The following SLC26A8 variants were observed in gnomAD, a reference collection of about 807,000 sequenced individuals.
SLC26A8 encodes testis anion transporter 1.
SLC26A8 carries 70 observed loss-of-function variants against 105.0 expected under a neutral mutation model. The ratio of observed to expected loss-of-function variants is 0.67; its 90% CI spans 0.55 to 0.81. SLC26A8 has a LOEUF of 0.81. Ranked by LOEUF, SLC26A8 falls within the 40% of genes least tolerant of loss-of-function variation. The pLI is 0.00. For synonymous variants in SLC26A8, 415 were observed against 438.3 expected, an observed-to-expected ratio of 0.95 and a Z score of 0.66; for missense variants, 998 against 1,181.8, an observed-to-expected ratio of 0.84 and a Z score of 2.28.
intron 5 of SLC26A8, among the ~76,000 whole-genome samples, chr6:35,993,220 G>T (rs977624954): frequency 1.4e-5 from 2 of 146,158 alleles, no homozygotes; most frequent in African/African-American, 5.2e-5. Context: ...ACCTAGGCTG[G>T]TCTCGAACTC....
At chr6:35,997,680 T>C in intron 5 of SLC26A8, 58 bp downstream of exon 5, 2 of 1,514,960 alleles carry the variant, frequency 1.3e-6, no homozygotes, top group Non-Finnish European at 1.8e-6. Context: ...AAGGAAGGGG[T>C]CTGTTTATAG....
rs566803558 is a variant in SLC26A8, at chr6:35,958,781, G to A, written c.1863+679C>T. 5.9e-5 allele frequency among the ~76,000 whole-genome samples: 9 copies of A among 152,280 alleles called. No homozygotes were observed. In the East Asian group the frequency reaches 1.7e-3, roughly 29 times the overall value. The stretch of plus-strand genomic sequence containing the variant: ...GTATAGAGAGAGCTGCCCCTCCAGA[G>A]TGAGTGCTGTAGACTAGGTGATTGC... On this transcript the variant is annotated intron_variant, in intron 16 of 19. Transcript: ENST00000490799.
Position 35,955,471 on chromosome 6 carries a change from G to T in SLC26A8, c.1913C>A (p.Ser638Tyr). The change falls in exon 17 of 20, where the codon TCC becomes TAC. Residue 638 changes from serine to tyrosine, a missense_variant. By Grantham distance (144) the Ser-to-Tyr change is moderately radical. Coordinates refer to ENST00000490799, the MANE Select transcript of SLC26A8 (RefSeq NM_052961.4). ...ATGTGAGCAGTGAATCAGGTTAATG[G>T]AGGATGCTTCGGGATCCAGTTTATT... ...FENKLDPEAS[S>Y]INLIHCSHFE... 6.2e-7 allele frequency: 1 copy of T among 1,614,188 alleles called. No homozygotes were observed. Among genetic ancestry groups the T allele is most frequent in the South Asian group, 1.1e-5 (1 of 91,084 alleles).
Position 35,997,861 on chromosome 6 carries a change from G to T in SLC26A8, c.504C>A (p.Asn168Lys). ...AAGATCCCATGACCAGTTGACCGTT[G>T]TTGAATGGGCTCACTTTCAGAACGT... ...LINVLKVSPF[N>K]NGQLVMGSFV... The change falls in exon 5 of 20, where the codon AAC becomes AAA. Residue 168 changes from asparagine to lysine, a missense_variant. By Grantham distance (94) the Asn-to-Lys change is moderately conservative (BLOSUM62 0). Transcript: ENST00000490799. 6.2e-7 allele frequency: 1 copy of T among 1,614,186 alleles called. No individual in the cohort carries two copies. Among genetic ancestry groups the T allele is most frequent in the South Asian group, 1.1e-5 (1 of 91,078 alleles).
intron 2 of SLC26A8, among the ~76,000 whole-genome samples, chr6:36,013,893 T>C (rs1354653933): frequency 2.0e-5 from 3 of 152,212 alleles, no homozygotes; most frequent in Non-Finnish European, 4.4e-5. Context: ...AGGTAATTAA[T>C]GCCAAATAAA....
chr6:35,951,102 C>CCCCTCCCCCCACAGCCCGCAAAA, intron 19 of SLC26A8, 61 bp downstream of exon 19: 1 of 1,356,466 alleles, frequency 7.4e-7, no homozygotes, highest in African/African-American at 1.4e-5. Flanking sequence ...CCACCCCTCA[C>CCCCTCCCCCCACAGCCCGCAAAA]CCATCCCCCC....
rs763969380 is a variant in SLC26A8 at position 35,955,336 on chromosome 6, A to G, written c.2048T>C (p.Val683Ala). Residue 683 changes from valine to alanine, a missense_variant, in exon 17 of 20, where the codon GTT (valine) becomes GCT (alanine). Transcript: ENST00000490799. The part of the protein sequence containing the change: ...QGQQYEEVEE[V>A]WLPNNSSRNS... ...TCTTGATGAGTTATTAGGAAGCCAA[A>G]CTTCCTCCACCTCCTCATACTGTTG... 1 of 1,614,042 alleles carries G rather than the reference A, an allele frequency of 6.2e-7. No homozygotes were observed. The highest frequency in any genetic ancestry group is 1.3e-5 in the African/African-American group (1 of 74,910).
intron 1 of SLC26A8, among the ~76,000 whole-genome samples, chr6:36,021,227 G>A (rs1198113753): frequency 6.6e-6 from 1 of 152,110 alleles, no homozygotes; most frequent in Non-Finnish European, 1.5e-5. Flanking sequence ...AAGAGGATGG[G>A]AGAGGTATTT....
intron 1 of SLC26A8, among the ~76,000 whole-genome samples, chr6:36,022,492 AG>A (rs1762150302): frequency 1.3e-4 from 2 of 15,568 alleles, no homozygotes; most frequent in Admixed American, 8.9e-4. Flanking sequence ...TGGACAGTGC[AG>A]ATATGCAGAT....
intron 17 of SLC26A8, among the ~76,000 whole-genome samples, chr6:35,953,789 C>A (rs1474792248): frequency 1.3e-5 from 2 of 152,166 alleles, no homozygotes; most frequent in East Asian, 3.8e-4. Flanking sequence ...GTCAGAAGGA[C>A]AGTGAGCCAA....
chr6:35,960,952 T>G lies in SLC26A8; in HGVS notation c.1569-40A>C, dbSNP rs374738824. On this transcript the variant is annotated intron_variant, in intron 13 of 19. Transcript: ENST00000490799. ...ACTTGCCTTTAGGTCAGAGTTGGCT[T>G]ACCTTGCCTTGTTAACCTCCTATTA... The G allele has an allele frequency of 3.1e-6, 5 of 1,613,862 alleles. No homozygotes were observed. In the African/African-American group the frequency reaches 6.7e-5, roughly 22 times the overall value.
chr6:35,989,538 G>A (rs187397610), intron 7 of SLC26A8: 1 of 152,236 alleles, frequency 6.6e-6, no homozygotes, highest in East Asian at 1.9e-4. Context: ...ACTTTGTAGA[G>A]GTGAACAGTC....
chr6:35,973,288 G>A (rs1772867729), intron 10 of SLC26A8, among the ~76,000 whole-genome samples: 1 of 152,086 alleles, frequency 6.6e-6, no homozygotes, highest in Non-Finnish European at 1.5e-5. Context: ...CAAAGTTTTT[G>A]CATGCTTGTA....
chr6:35,954,766 G>A (rs1771993112), intron 17 of SLC26A8: 2 of 230,056 alleles, frequency 8.7e-6, no homozygotes, highest in South Asian at 1.2e-4. Context: ...CCAACATGGT[G>A]AAACCCCGTC....
intron 16 of SLC26A8, among the ~76,000 whole-genome samples, chr6:35,956,443 A>G (rs2127295531): frequency 6.6e-6 from 1 of 152,112 alleles, no homozygotes; most frequent in Non-Finnish European, 1.5e-5. Context: ...AAAAAAAAAA[A>G]AAAAAAATTA....
intron 2 of SLC26A8, among the ~76,000 whole-genome samples, chr6:36,015,213 A>G (rs764583941): frequency 3.3e-5 from 5 of 151,824 alleles, no homozygotes; most frequent in Non-Finnish European, 7.4e-5. Flanking sequence ...TCCTGGTTCA[A>G]GCAATTCTCC....
chr6:36,021,889 T>G (rs1762134967), intron 1 of SLC26A8, among the ~76,000 whole-genome samples: 1 of 152,176 alleles, frequency 6.6e-6, no homozygotes, highest in African/African-American at 2.4e-5. Context: ...CAGGATGGTC[T>G]TGATCTCCTG....
At chr6:35,995,264 C>T (rs1045077145) in intron 5 of SLC26A8, among the ~76,000 whole-genome samples, 6 of 152,140 alleles carry the variant, frequency 3.9e-5, no homozygotes, top group East Asian at 1.9e-4. Context: ...TATGGCATCA[C>T]GTTCAGTGTT....
Position 35,977,066 on chromosome 6 carries a change from C to T in SLC26A8, c.1173+138G>A, listed in dbSNP as rs138724561. On this transcript the variant is annotated intron_variant, in intron 9 of 19. Transcript: ENST00000490799. ...TCAAAGTTAAGTATCCCTCACCTCT[C>T]AAAAATCCTTTGTGATTACTGTCCA... is the stretch of plus-strand genomic sequence containing the variant. The T allele has an allele frequency of 1.3e-4, 122 of 926,130 alleles. No homozygotes were observed. The African/African-American group carries it at 1.9e-3, about 14-fold the overall frequency. The allele number at this position is 926,130 out of a possible 1,614,324, so 57.4% of individuals were successfully genotyped here.
Sources: gnomAD v4.1 joint callset for allele counts (sites outside exome capture counted in the v4.1 genomes callset) on GRCh38, gnomAD v4.1.1 for gene constraint, MANE v1.5 for transcripts, NCBI Gene and HGNC (gene_info 2026-07-23, HGNC 2026-07-21) for gene names.